USP13: variants seen among roughly 807,000 people sequenced by gnomAD.
USP13 encodes the protein ubiquitin carboxyl-terminal hydrolase 13.
Under a neutral mutation model 107.8 loss-of-function variants are expected in USP13, and 68 were observed. That is an observed-to-expected ratio of 0.63 (90% confidence interval 0.52 to 0.77). USP13 has a LOEUF of 0.77. Ranked by LOEUF, USP13 falls within the 30% of genes least tolerant of loss-of-function variation. The pLI, the probability that USP13 is intolerant of heterozygous loss-of-function variation, is 0.00. For synonymous variants in USP13, 377 were observed against 389.5 expected, an observed-to-expected ratio of 0.97 and a Z score of 0.38; for missense variants, 945 against 1,093.3, an observed-to-expected ratio of 0.86 and a Z score of 1.91.
chr3:179,709,093 A>G, intron 6 of USP13, 136 bp downstream of exon 6: 1 of 1,114,280 alleles, frequency 9.0e-7, no homozygotes. Context: ...TCTGCCTCTT[A>G]TTAGTTTTGA....
chr3:179,758,932 T>A (rs1299412784), intron 16 of USP13, among the ~76,000 whole-genome samples: 1 of 150,802 alleles, frequency 6.6e-6, no homozygotes, highest in Non-Finnish European at 1.5e-5. Flanking sequence ...TTGGAGTATA[T>A]CCTTCTATTA....
Position 179,653,115 on chromosome 3 carries a change from C to T in USP13, c.-111C>T. 1 of 934,094 alleles carries T rather than the reference C, an allele frequency of 1.1e-6. No individual in the cohort carries two copies. The highest frequency in any genetic ancestry group is 1.3e-6 in the Non-Finnish European group (1 of 783,616). The allele number at this position is 934,094 out of a possible 1,614,324, so 57.9% of individuals were successfully genotyped here. ...CCGCCCGCCCCGGCTCGGCCGGCTG[C>T]CGTTGCCCGCGCAGCCCGCCCGTCA... On this transcript the variant is annotated 5_prime_UTR_variant, in exon 1 of 21. Coordinates refer to ENST00000263966, the MANE Select transcript of USP13 (RefSeq NM_003940.3). The surrounding 1 kb of genome is among the most constrained non-coding windows in gnomAD (Gnocchi z 4.0).
intron 1 of USP13, among the ~76,000 whole-genome samples, chr3:179,679,489 T>A (rs1186477113): frequency 6.6e-6 from 1 of 152,100 alleles, no homozygotes; most frequent in Non-Finnish European, 1.5e-5. Flanking sequence ...TTTTTATTAT[T>A]TGGACAGGTG....
At chr3:179,657,313 T>A (rs1443327352) in intron 1 of USP13, among the ~76,000 whole-genome samples, 1 of 150,738 alleles carries the variant, frequency 6.6e-6, no homozygotes, top group Non-Finnish European at 1.5e-5. Flanking sequence ...AGGTCAGGAG[T>A]TTGACAGGAG....
intron 19 of USP13, among the ~76,000 whole-genome samples, chr3:179,774,469 G>A (rs1000388787): frequency 1.3e-5 from 2 of 152,148 alleles, no homozygotes; most frequent in African/African-American, 2.4e-5. Flanking sequence ...CAGGAGTGAA[G>A]CTGCAGACCT....
At chr3:179,656,088 G>C (rs2108427029) in intron 1 of USP13, among the ~76,000 whole-genome samples, 1 of 152,302 alleles carries the variant, frequency 6.6e-6, no homozygotes, top group South Asian at 2.1e-4. Flanking sequence ...TGTTGAAAAA[G>C]GTTATGTACA....
At chr3:179,689,571 T>G (rs969509241) in intron 2 of USP13, among the ~76,000 whole-genome samples, 1 of 151,502 alleles carries the variant, frequency 6.6e-6, no homozygotes, top group African/African-American at 2.4e-5. Context: ...GGCAGGAGAC[T>G]CGCTTGAACC....
Position 179,715,389 on chromosome 3 carries a change from G to A in USP13, c.806-4551G>A, listed in dbSNP as rs1351843722. 3.0e-5 allele frequency among the ~76,000 whole-genome samples: 4 copies of A among 133,952 alleles called. No homozygotes were observed. The East Asian group carries it at 8.8e-4, about 30-fold the overall frequency. 87.9% of individuals were successfully genotyped at this position (133,952 alleles called of 152,430 possible). On this transcript the variant is annotated intron_variant, in intron 6 of 20. Transcript: ENST00000263966. ...TTTCTTTTTTTTTTTTTTTGAGATG[G>A]AGTCTCACTTTCTGGCCCAGGCTGG...
intron 8 of USP13, among the ~76,000 whole-genome samples, chr3:179,728,315 G>A (rs1713642740): frequency 2.0e-5 from 3 of 149,512 alleles, no homozygotes; most frequent in African/African-American, 2.4e-5. Flanking sequence ...CGGGGCGGCC[G>A]GGCAGAGACG....
chr3:179,738,121 G>T (rs1008470124), intron 10 of USP13, among the ~76,000 whole-genome samples: 1 of 152,180 alleles, frequency 6.6e-6, no homozygotes, highest in African/African-American at 2.4e-5. Flanking sequence ...ATTCGAGGAG[G>T]TGTAAGACAT....
At position 179,758,866 on chromosome 3, in the gene USP13, AG is replaced by A. The variant is rs1187299097; in HGVS notation, c.1948+1789del. The stretch of plus-strand genomic sequence containing the variant: ...GTAAAAAGTCATTTAGAGATTATGG[AG>A]TAGGCAGAAGAATCATCCATGGTTC... On this transcript the variant is annotated intron_variant, in intron 16 of 20. Transcript: ENST00000263966. 7.9e-5 allele frequency among the ~76,000 whole-genome samples: 12 copies of A among 152,224 alleles called. No homozygotes were observed. In the East Asian group the frequency reaches 2.1e-3, roughly 27 times the overall value.
chr3:179,774,201 C>A (rs147113091), intron 19 of USP13, among the ~76,000 whole-genome samples: 1 of 152,230 alleles, frequency 6.6e-6, no homozygotes, highest in East Asian at 1.9e-4. Flanking sequence ...CTCCCTTGAA[C>A]TAATAGAGTG....
intron 15 of USP13, among the ~76,000 whole-genome samples, chr3:179,755,708 T>A (rs994794670): frequency 3.9e-5 from 6 of 152,288 alleles, no homozygotes; most frequent in African/African-American, 1.2e-4. Flanking sequence ...GTTATCCTGA[T>A]GAAATCAGTT....
intron 15 of USP13, among the ~76,000 whole-genome samples, chr3:179,755,718 T>C (rs1044090782): frequency 6.6e-6 from 1 of 152,250 alleles, no homozygotes; most frequent in Non-Finnish European, 1.5e-5. Context: ...TGAAATCAGT[T>C]TCATTCTGGC....
chr3:179,676,900 G>T (rs892585936), intron 1 of USP13, among the ~76,000 whole-genome samples: 1 of 151,974 alleles, frequency 6.6e-6, no homozygotes, highest in African/African-American at 2.4e-5. Flanking sequence ...GCTCTATTGC[G>T]CAGGCTGGCG....
chr3:179,783,205 T>A lies in USP13; in HGVS notation c.2499-843T>A, dbSNP rs191209703. On this transcript the variant is annotated intron_variant, in intron 20 of 20. Transcript: ENST00000263966. ...AGCAATAAAATTCATAGTAAATAAT[T>A]TATAAATATAAAAATATACAAAGAA... 1.1e-4 allele frequency among the ~76,000 whole-genome samples: 17 copies of A among 152,216 alleles called. No homozygotes were observed. The East Asian group carries it at 3.3e-3, about 29-fold the overall frequency.
chr3:179,716,795 C>G (rs1713127939), intron 6 of USP13, among the ~76,000 whole-genome samples: 1 of 152,206 alleles, frequency 6.6e-6, no homozygotes, highest in African/African-American at 2.4e-5. Context: ...TGGTTCATCT[C>G]TATCTCTGTC....
chr3:179,777,096 G>C (rs932838691), intron 19 of USP13, among the ~76,000 whole-genome samples: 3 of 151,988 alleles, frequency 2.0e-5, no homozygotes, highest in Admixed American at 1.3e-4. Context: ...TGATAAACAT[G>C]GTTAATTTAA....
chr3:179,758,766 G>A (rs1714899183), intron 16 of USP13, among the ~76,000 whole-genome samples: 1 of 151,968 alleles, frequency 6.6e-6, no homozygotes, highest in South Asian at 2.1e-4. Flanking sequence ...CCAACGTGCT[G>A]GGATTACACA....
Sources: gnomAD v4.1 joint callset for allele counts (sites outside exome capture counted in the v4.1 genomes callset) on GRCh38, gnomAD v4.1.1 for gene constraint, Gnocchi (gnomAD v3.1) non-coding constraint, MANE v1.5 for transcripts, NCBI Gene and HGNC (gene_info 2026-07-23, HGNC 2026-07-21) for gene names.